WDR7: variants seen among roughly 807,000 people sequenced by gnomAD.
WDR7 encodes the protein WD repeat-containing protein 7.
WDR7 carries 46 observed loss-of-function variants against 169.4 expected under a neutral mutation model. The ratio of observed to expected loss-of-function variants is 0.27; its 90% CI spans 0.21 to 0.35. WDR7 has a LOEUF of 0.35. Ranked by LOEUF, WDR7 falls within the 10% of genes least tolerant of loss-of-function variation. WDR7 has a pLI of 1.00. For synonymous variants in WDR7, 612 were observed against 666.8 expected (o/e 0.92, Z 1.27); for missense variants, 1,534 against 1,859.3 (o/e 0.83, Z 3.22).
intron 26 of WDR7, among the ~76,000 whole-genome samples, chr18:56,982,593 G>C (rs2047662570): frequency 6.6e-6 from 1 of 152,060 alleles, no homozygotes; most frequent in Non-Finnish European, 1.5e-5. Flanking sequence ...GAAGCAGATA[G>C]AGAGCTGTTT....
intron 20 of WDR7, among the ~76,000 whole-genome samples, chr18:56,833,841 T>C (rs1263268523): frequency 6.6e-6 from 1 of 152,220 alleles, no homozygotes; most frequent in African/African-American, 2.4e-5. Flanking sequence ...ACACACTGTA[T>C]TAATTTTCCT....
chr18:56,772,014 T>C (rs2044169904), intron 16 of WDR7, among the ~76,000 whole-genome samples: 1 of 124,454 alleles, frequency 8.0e-6, no homozygotes, highest in Non-Finnish European at 1.5e-5. Flanking sequence ...TGAGCTGTGA[T>C]CACACCACTA....
intron 25 of WDR7, among the ~76,000 whole-genome samples, chr18:56,954,257 G>A (rs141733978): frequency 6.6e-6 from 1 of 152,116 alleles, no homozygotes; most frequent in African/African-American, 2.4e-5. Context: ...AGTTATGTTG[G>A]TATTTACATA....
At chr18:56,848,053 T>C (rs2045591533) in intron 20 of WDR7, among the ~76,000 whole-genome samples, 1 of 152,198 alleles carries the variant, frequency 6.6e-6, no homozygotes, top group Admixed American at 6.5e-5. Context: ...ATTGGCAGCA[T>C]ACACCCTGAG....
chr18:57,005,751 A>G (rs2048047763), intron 26 of WDR7, among the ~76,000 whole-genome samples: 1 of 152,148 alleles, frequency 6.6e-6, no homozygotes, highest in South Asian at 2.1e-4. Flanking sequence ...GCCATACTGG[A>G]AGAAGAAGAA....
intron 20 of WDR7, among the ~76,000 whole-genome samples, chr18:56,847,938 A>G (rs1416137611): frequency 6.6e-6 from 1 of 152,236 alleles, no homozygotes; most frequent in Non-Finnish European, 1.5e-5. Flanking sequence ...CCCTGCAGGA[A>G]ACCTCTGCTT....
intron 20 of WDR7, among the ~76,000 whole-genome samples, chr18:56,849,729 A>C (rs181516721): frequency 6.6e-5 from 10 of 152,316 alleles, no homozygotes; most frequent in Admixed American, 4.6e-4. Flanking sequence ...CTTTCTGCTT[A>C]AAACTTTCCA....
At chr18:56,914,926 T>C (rs971593750) in intron 21 of WDR7, among the ~76,000 whole-genome samples, 3 of 152,136 alleles carry the variant, frequency 2.0e-5, no homozygotes, top group African/African-American at 7.2e-5. Context: ...CAGAAAAAAA[T>C]GTGCTTTAAA....
chr18:56,752,911 C>G (rs1425141320), intron 14 of WDR7, among the ~76,000 whole-genome samples: 2 of 152,086 alleles, frequency 1.3e-5, no homozygotes, highest in Non-Finnish European at 2.9e-5. Context: ...TAAGCATATG[C>G]AGAAATACAA....
In WDR7 at chr18:56,816,114, C is replaced by T. The variant is rs752029947; in HGVS notation, c.3274C>T (p.His1092Tyr). 1 of 1,613,862 alleles carries T rather than the reference C, an allele frequency of 6.2e-7. No homozygotes were observed. Residue 1092 changes from histidine to tyrosine, a missense_variant, in exon 20 of 28, where the codon CAT (histidine) becomes TAT (tyrosine). Transcript: ENST00000254442. ...TGAAGCAAAAGTCCAGGAGGAAGAG[C>T]ATGACCTTGTTGACGATGACATCAC... ...GPEAKVQEEE[H>Y]DLVDDDITTG... is the part of the protein sequence containing the mutation.
intron 20 of WDR7, among the ~76,000 whole-genome samples, chr18:56,826,423 T>C (rs1599077956): frequency 6.6e-6 from 1 of 152,328 alleles, no homozygotes; most frequent in East Asian, 1.9e-4. Flanking sequence ...TACTTCATAG[T>C]CATTTTTAAT....
In WDR7 at chr18:56,948,414, A is replaced by G. The variant is rs552598138; in HGVS notation, c.4064+9021A>G. ...ACTTGTCAAATAAATTCACAGATTC[A>G]AAAAAAAAAAAGATCCTTTGTTGGG... On this transcript the variant is annotated intron_variant, in intron 25 of 27. Coordinates refer to ENST00000254442, the MANE Select transcript of WDR7 (RefSeq NM_015285.3). 7.6e-4 allele frequency among the ~76,000 whole-genome samples: 110 copies of G among 144,762 alleles called. 1 individual carries two copies. The highest frequency in any genetic ancestry group is 3.5e-3 in the Middle Eastern group (1 of 284). 95.0% of individuals were successfully genotyped at this position (144,762 alleles called of 152,430 possible).
chr18:56,829,225 TGCA>T (rs2045267576), intron 20 of WDR7, among the ~76,000 whole-genome samples: 1 of 151,050 alleles, frequency 6.6e-6, no homozygotes, highest in African/African-American at 2.4e-5. Flanking sequence ...ACCACTGCAC[TGCA>T]GCCTGGGTGA....
intron 14 of WDR7, among the ~76,000 whole-genome samples, chr18:56,753,800 T>C (rs1195288918): frequency 6.6e-6 from 1 of 152,126 alleles, no homozygotes; most frequent in African/African-American, 2.4e-5. Flanking sequence ...GCCATAGTTT[T>C]GGTACTAGGG....
In WDR7 at chr18:57,021,840, T is replaced by C. The variant is rs1364268972; in HGVS notation, c.4269+991T>C. Among the ~76,000 whole-genome samples, 5 of 152,316 alleles carry C rather than the reference T, an allele frequency of 3.3e-5. No individual in the cohort carries two copies. The East Asian group carries it at 9.7e-4, about 29-fold the overall frequency. Reference sequence around the variant, plus strand: ...AATCTAAAACAAAACAAAATAAAAGTTTAAACAAGGCTTCAGCATAACTGG... The same window carrying C: ...AATCTAAAACAAAACAAAATAAAAGCTTAAACAAGGCTTCAGCATAACTGG... On this transcript the variant is annotated intron_variant, in intron 27 of 27. Transcript: ENST00000254442.
chr18:56,982,133 A>C (rs1427706228), intron 26 of WDR7, among the ~76,000 whole-genome samples: 1 of 152,188 alleles, frequency 6.6e-6, no homozygotes, highest in Non-Finnish European at 1.5e-5. Context: ...GAAAGTAATG[A>C]AGGGACCATT....
chr18:56,750,796 T>C (rs906020590), intron 14 of WDR7, among the ~76,000 whole-genome samples: 7 of 152,226 alleles, frequency 4.6e-5, no homozygotes, highest in African/African-American at 1.7e-4. Context: ...TGTACTATAT[T>C]ACAATATCAG....
chr18:56,836,229 T>G (rs1396250932), intron 20 of WDR7, among the ~76,000 whole-genome samples: 1 of 152,206 alleles, frequency 6.6e-6, no homozygotes, highest in African/African-American at 2.4e-5. Context: ...TAAGGCCACT[T>G]TCCTCTCATG....
chr18:56,892,834 G>A (rs1206941791), intron 21 of WDR7, among the ~76,000 whole-genome samples: 1 of 152,012 alleles, frequency 6.6e-6, no homozygotes. Context: ...ATCCGTGGTA[G>A]TAACATTTAG....
Sources: gnomAD v4.1 joint callset for allele counts (sites outside exome capture counted in the v4.1 genomes callset) on GRCh38, gnomAD v4.1.1 for gene constraint, MANE v1.5 for transcripts, NCBI Gene and HGNC (gene_info 2026-07-23, HGNC 2026-07-21) for gene names.